Variants in ZNF41 observed in about 807,000 individuals in gnomAD.
ZNF41 encodes the protein zinc finger protein 41.
A neutral mutation model predicts 9.3 loss-of-function variants in ZNF41; 6 were observed. The observed-to-expected ratio is 0.65, with a 90% CI of 0.35 to 1.28. The LOEUF (loss-of-function observed/expected upper bound fraction) is 1.28, where lower values mean the gene tolerates loss of function less well. Ranked by LOEUF, ZNF41 falls within the 50% of genes most tolerant of loss-of-function variation. ZNF41 has a pLI of 0.03. For synonymous variants in ZNF41, 192 were observed against 207.1 expected, an observed-to-expected ratio of 0.93 and a Z score of 0.63; for missense variants, 523 against 585.8, an observed-to-expected ratio of 0.89 and a Z score of 1.11.
At chrX:47,482,171 C>T (rs1184354075) in intron 1 of ZNF41, among the ~76,000 whole-genome samples, 1 of 109,461 alleles carries the variant, frequency 9.1e-6, no homozygotes, top group Non-Finnish European at 1.9e-5. Context: ...TATCACTCAC[C>T]CCACAGACCC....
intron 4 of ZNF41, among the ~76,000 whole-genome samples, chrX:47,455,527 T>C (rs1384184371): frequency 1.8e-5 from 2 of 108,976 alleles, no homozygotes; most frequent in Non-Finnish European, 3.8e-5. Context: ...GGAGGTTGCA[T>C]TGAGCCAAGA....
chrX:47,469,108 G>A (rs1243413881), intron 1 of ZNF41, among the ~76,000 whole-genome samples: 4 of 104,712 alleles, frequency 3.8e-5, no homozygotes, highest in East Asian at 6.0e-4. Flanking sequence ...TCAGGAGATC[G>A]AGACCATCCC....
At chrX:47,452,820 G>T (rs2056417694) in intron 4 of ZNF41, among the ~76,000 whole-genome samples, 1 of 111,232 alleles carries the variant, frequency 9.0e-6, no homozygotes, top group South Asian at 3.8e-4. Context: ...TTGAACTCTT[G>T]ATCTCAGGTG....
intron 1 of ZNF41, among the ~76,000 whole-genome samples, chrX:47,474,862 A>C (rs1414743117): frequency 3.1e-5 from 3 of 96,495 alleles, no homozygotes; most frequent in African/African-American, 4.1e-5. Flanking sequence ...TGAGCAACAC[A>C]GTGAGAACCT....
At chrX:47,456,208 C>A (rs2056556711) in intron 3 of ZNF41, 64 bp downstream of exon 3, 1 of 1,184,073 alleles carries the variant, frequency 8.4e-7, no homozygotes, top group African/African-American at 1.8e-5. Context: ...AGGTGTCGGG[C>A]AGCACTCAGC....
In ZNF41 at chrX:47,452,949, G is replaced by A. The variant is rs368802036; in HGVS notation, c.295+2972C>T. On this transcript the variant is annotated intron_variant, in intron 4 of 4. Coordinates refer to ENST00000684689, the MANE Select transcript of ZNF41 (RefSeq NM_001324144.2). ...CACATTAGTCTGTGGTTTCTCCCTC[G>A]GTAAGACCCTGAGTTATACTACAAG... 1.7e-4 allele frequency among the ~76,000 whole-genome samples: 19 copies of A among 111,532 alleles called. No homozygotes were observed. In the South Asian group the frequency reaches 6.4e-3, roughly 38 times the overall value.
intron 4 of ZNF41, 111 bp downstream of exon 4, chrX:47,455,810 T>C: frequency 1.3e-6 from 1 of 744,854 alleles, no homozygotes; most frequent in Non-Finnish European, 2.1e-6. Context: ...CTCCAAAAGT[T>C]TAGAACTTTC....
chrX:47,450,302 C>T (rs1372140869), intron 4 of ZNF41, among the ~76,000 whole-genome samples: 1 of 110,872 alleles, frequency 9.0e-6, no homozygotes, highest in African/African-American at 3.3e-5. Flanking sequence ...CCTCCGCCTC[C>T]CGGGTTCAAG....
At chrX:47,455,811 T>C (rs2056537683) in intron 4 of ZNF41, 110 bp downstream of exon 4, 1 of 749,142 alleles carries the variant, frequency 1.3e-6, no homozygotes, top group Admixed American at 2.5e-5. Context: ...TCCAAAAGTT[T>C]AGAACTTTCA....
At chrX:47,469,077 C>T (rs770050664) in intron 1 of ZNF41, among the ~76,000 whole-genome samples, 2 of 108,533 alleles carry the variant, frequency 1.8e-5, no homozygotes, top group African/African-American at 3.3e-5. Flanking sequence ...TTTGGGAGGC[C>T]GAGGCGGGCG....
chrX:47,471,457 GA>G (rs1312948836), intron 1 of ZNF41, among the ~76,000 whole-genome samples: 9 of 98,884 alleles, frequency 9.1e-5, no homozygotes, highest in East Asian at 3.2e-4. Flanking sequence ...CTCCAAAAAA[GA>G]AAAAAAAAAA....
At chrX:47,463,240 T>C (rs2056879691) in intron 2 of ZNF41, among the ~76,000 whole-genome samples, 1 of 111,222 alleles carries the variant, frequency 9.0e-6, no homozygotes, top group Non-Finnish European at 1.9e-5. Flanking sequence ...AAGTGCACTA[T>C]TGCGTGTTCT....
intron 1 of ZNF41, among the ~76,000 whole-genome samples, chrX:47,471,426 G>C (rs1482565012): frequency 9.2e-6 from 1 of 109,072 alleles, no homozygotes; most frequent in East Asian, 2.9e-4. Flanking sequence ...TCCAGCCTGG[G>C]GGGATAGAGT....
In ZNF41 at chrX:47,448,776, A is replaced by G. The variant is rs1187981619; in HGVS notation, c.994T>C (p.Cys332Arg). 1 of 1,211,971 alleles carries G rather than the reference A, an allele frequency of 8.3e-7. No homozygotes were observed. The highest frequency in any genetic ancestry group is 3.0e-5 in the East Asian group (1 of 33,853). ...TGEKPYLCTQ[C>R]GKVFTLKSNL... The stretch of plus-strand genomic sequence containing the variant: ...GATTTGAGGGTAAAGACTTTCCCAC[A>G]TTGAGTACACAGATAGGGTTTTTCT... The change falls in exon 5 of 5, where the codon TGT becomes CGT. Residue 332 changes from cysteine to arginine, a missense_variant. Cys to Arg is a radical substitution (Grantham distance 180). Transcript: ENST00000684689.
intron 2 of ZNF41, among the ~76,000 whole-genome samples, chrX:47,464,465 T>C (rs1032254778): frequency 9.0e-6 from 1 of 111,553 alleles, no homozygotes; most frequent in Non-Finnish European, 1.9e-5. Context: ...GATATTTTTA[T>C]TGGTTCCTAG....
chrX:47,448,017 C>A lies in ZNF41; in HGVS notation c.1753G>T (p.Gly585Trp). The change falls in exon 5 of 5, where the codon GGG (glycine) becomes TGG (tryptophan). Residue 585 changes from glycine to tryptophan, a missense_variant. Physicochemically the swap from Gly to Trp is radical, Grantham distance 184 (BLOSUM62 -2). Coordinates refer to ENST00000684689, the MANE Select transcript of ZNF41 (RefSeq NM_001324144.2). The part of the protein sequence containing the change: ...GERHYECKDC[G>W]KAFIQKSTLS... ...GTTGATTTCTGGATGAAGGCTTTCC[C>A]GCAGTCCTTGCATTCATAGTGTCTC... The A allele has an allele frequency of 8.3e-7, 1 of 1,211,615 alleles. No homozygotes were observed. The highest frequency in any genetic ancestry group is 1.1e-6 in the Non-Finnish European group (1 of 895,477).
rs770323266 is a variant in ZNF41 at position 47,448,936 on chromosome X, C to T, written c.834G>A (p.Met278Ile). 4 of 1,209,403 alleles carry T rather than the reference C, an allele frequency of 3.3e-6. No homozygotes were observed. Among genetic ancestry groups the T allele is most frequent in the African/African-American group, 1.8e-5 (1 of 57,029 alleles). The change falls in exon 5 of 5, where the codon ATG becomes ATA. Residue 278 changes from methionine to isoleucine, a missense_variant. Met to Ile is a conservative substitution (Grantham distance 10, BLOSUM62 1). Transcript: ENST00000684689. ...EKLYVCTECV[M>I]GFTQKSHLFE... ...ACAGATGTGACTTCTGAGTGAAGCCCATTACACATTCAGTACACACATAAA... is the reference window on the plus strand; with the variant it reads ...ACAGATGTGACTTCTGAGTGAAGCCTATTACACATTCAGTACACACATAAA...
In ZNF41 at chrX:47,449,368, T is replaced by C. The variant is rs746657990; in HGVS notation, c.402A>G (p.Leu134=). Residue 134 remains leucine (L), a synonymous_variant, in exon 5 of 5, where the codon TTA becomes TTG. Transcript: ENST00000684689. ...GGTCATTATCTTGCCACAGTTCTTC[T>C]AAAATAGAACATAATGAATCTTCTC... The part of the protein sequence containing the change: ...PIGEDSLCSI[L]EELWQDNDQL... 2 of 1,211,702 alleles carry C rather than the reference T, an allele frequency of 1.7e-6. No homozygotes were observed. Among genetic ancestry groups the C allele is most frequent in the East Asian group, 3.0e-5 (1 of 33,846 alleles).
In ZNF41 at chrX:47,447,338, C is replaced by G. The variant is rs1602800619; in HGVS notation, c.*92G>C. 3.5e-6 allele frequency: 4 copies of G among 1,130,560 alleles called. No homozygotes were observed. The East Asian group carries it at 1.2e-4, about 34-fold the overall frequency. 93.2% of individuals were successfully genotyped at this position (1,130,560 alleles called of 1,213,427 possible). On this transcript the variant is annotated 3_prime_UTR_variant, in exon 5 of 5. Transcript: ENST00000684689. ...GCCTCAGTCTCTCATACCCATTTCC[C>G]CCTGTACAATGATTGCAGCAACAGG...
Sources: gnomAD v4.1 joint callset for allele counts (sites outside exome capture counted in the v4.1 genomes callset) on GRCh38, gnomAD v4.1.1 for gene constraint, MANE v1.5 for transcripts, NCBI Gene and HGNC (gene_info 2026-07-23, HGNC 2026-07-21) for gene names.